CELF2: variants seen among roughly 807,000 people sequenced by gnomAD.
CELF2 encodes the protein CUGBP Elav-like family member 2, also known as CUG triplet repeat RNA-binding protein 2.
CELF2 carries 8 observed loss-of-function variants against 62.6 expected under a neutral mutation model. The observed-to-expected ratio is 0.13, with a 90% confidence interval of 0.07 to 0.23. The LOEUF (loss-of-function observed/expected upper bound fraction) is 0.23. Ranked by LOEUF, CELF2 falls within the 10% of genes least tolerant of loss-of-function variation. The probability of loss-of-function intolerance (pLI) is 1.00; values close to 1 mark genes in which losing one functional copy is unlikely to be tolerated. For synonymous variants in CELF2, 258 were observed against 250.0 expected, an observed-to-expected ratio of 1.03 and a Z score of -0.30; for missense variants, 333 against 671.0, an observed-to-expected ratio of 0.50 and a Z score of 5.56.
chr10:11,180,566 A>G (rs575264725), intron 2 of CELF2, among the ~76,000 whole-genome samples: 125 of 152,284 alleles, frequency 8.2e-4, no homozygotes, highest in African/African-American at 2.9e-3. Context: ...GGCTGACGCT[A>G]TCTCCCAGTG....
chr10:11,323,219 C>T (rs1485212950), intron 11 of CELF2, among the ~76,000 whole-genome samples: 1 of 151,956 alleles, frequency 6.6e-6, no homozygotes, highest in East Asian at 1.9e-4. Flanking sequence ...ATTGCCCACT[C>T]CTGATTTAAG....
At chr10:10,875,066 T>A (rs2060996185) in intron 1 of CELF2, among the ~76,000 whole-genome samples, 1 of 152,248 alleles carries the variant, frequency 6.6e-6, no homozygotes. Context: ...ACTGTCTAGC[T>A]TATATTATGC....
At position 10,856,969 on chromosome 10, in the gene CELF2, G is replaced by A. The variant is rs548035246; in HGVS notation, c.53+58152G>A. Reference sequence around the variant, plus strand: ...TTGGGACATTGGACAACAAGGAAGCGTAGAATTCTGATCTTTTAGAGAAAG... The same window carrying A: ...TTGGGACATTGGACAACAAGGAAGCATAGAATTCTGATCTTTTAGAGAAAG... On this transcript the variant is annotated intron_variant, in intron 1 of 13. Coordinates refer to the CELF2 transcript ENST00000636488. Among the ~76,000 whole-genome samples the A allele has an allele frequency of 5.9e-5, 9 of 152,220 alleles. No individual in the cohort carries two copies. The East Asian group carries it at 7.7e-4, about 13-fold the overall frequency.
chr10:10,607,589 C>A, the CELF2 span, among the ~76,000 whole-genome samples: 1 of 152,132 alleles, frequency 6.6e-6, no homozygotes, highest in Non-Finnish European at 1.5e-5. Context: ...TACTTTTTCT[C>A]TGTGAATTTT....
chr10:10,634,797 G>A, the CELF2 span, among the ~76,000 whole-genome samples: 1 of 152,062 alleles, frequency 6.6e-6, no homozygotes, highest in Admixed American at 6.5e-5. Context: ...GAGTAGCTGG[G>A]ACTACAGGCA....
the CELF2 span, among the ~76,000 whole-genome samples, chr10:10,474,934 G>A: frequency 3.9e-5 from 6 of 152,006 alleles, no homozygotes; most frequent in Admixed American, 3.3e-4. Context: ...TAGATCTGAA[G>A]GGTTCACTGG....
rs957594615 is a variant in CELF2, at chr10:11,157,857, C to G, written c.75-7629C>G. 3.3e-5 allele frequency among the ~76,000 whole-genome samples: 5 copies of G among 152,208 alleles called. No homozygotes were observed. The highest frequency in any genetic ancestry group is 7.2e-5 in the African/African-American group (3 of 41,444). ...GCATAAATAAGTCCAGGCAAAGTAT[C>G]TTCAGTGGTGAAAACAGAAGTTACC... On this transcript the variant is annotated intron_variant, in intron 1 of 12. Coordinates refer to ENST00000633077, the MANE Select transcript of CELF2 (RefSeq NM_001326342.2). This position sits in a 1 kb window ranked among gnomAD's most constrained non-coding sequence, Gnocchi z 4.9.
the CELF2 span, among the ~76,000 whole-genome samples, chr10:10,746,167 T>C: frequency 4.2e-3 from 643 of 152,344 alleles, 32 homozygotes; most frequent in East Asian, 0.1. Context: ...TTTCACTGCT[T>C]TCTGCTTTTA....
the CELF2 span, among the ~76,000 whole-genome samples, chr10:10,704,295 A>G: frequency 6.9e-6 from 1 of 145,590 alleles, no homozygotes; most frequent in Non-Finnish European, 1.5e-5. Flanking sequence ...TGTGTGATTT[A>G]CCTTCCTTGA....
the CELF2 span, among the ~76,000 whole-genome samples, chr10:10,609,417 A>C: frequency 7.5e-6 from 1 of 133,222 alleles, no homozygotes; most frequent in African/African-American, 3.1e-5. Flanking sequence ...ATGGTTAATA[A>C]ATGTTTCTTT....
At chr10:10,511,234 A>T in the CELF2 span, among the ~76,000 whole-genome samples, 1 of 152,060 alleles carries the variant, frequency 6.6e-6, no homozygotes, top group Non-Finnish European at 1.5e-5. Flanking sequence ...AAATGGCAAA[A>T]CTCCATCTCT....
the CELF2 span, among the ~76,000 whole-genome samples, chr10:10,785,296 G>A: frequency 6.6e-6 from 1 of 152,156 alleles, no homozygotes; most frequent in East Asian, 1.9e-4. Context: ...CATCTGGAGT[G>A]TGCCATGGAC....
chr10:10,907,133 A>AT (rs2063416773), intron 1 of CELF2, among the ~76,000 whole-genome samples: 1 of 152,170 alleles, frequency 6.6e-6, no homozygotes, highest in Non-Finnish European at 1.5e-5. Context: ...ACACACATGC[A>AT]TGCACACACA....
At chr10:10,757,035 G>A in the CELF2 span, among the ~76,000 whole-genome samples, 13 of 152,212 alleles carry the variant, frequency 8.5e-5, no homozygotes, top group East Asian at 9.7e-4. Flanking sequence ...CCAGCTACTC[G>A]GGAGGCTGAG....
At chr10:11,001,333 T>C (rs35398571), upstream of CELF2, among the ~76,000 whole-genome samples, 3,891 of 152,342 alleles carry the variant, frequency 0.026, 83 homozygotes, top group Non-Finnish European at 0.038. Context: ...TACTGTCCCA[T>C]GCTTATCAAA....
upstream of CELF2, among the ~76,000 whole-genome samples, chr10:11,016,323 T>A (rs2057249405): frequency 1.3e-5 from 2 of 152,212 alleles, no homozygotes; most frequent in Admixed American, 1.3e-4. The surrounding 1 kb of genome is among the most constrained non-coding windows in gnomAD (Gnocchi z 5.2). Context: ...AGCCCAGACC[T>A]GGTTCCTCCA....
intron 1 of CELF2, among the ~76,000 whole-genome samples, chr10:11,109,925 A>G (rs567070085): frequency 6.6e-6 from 1 of 152,094 alleles, no homozygotes; most frequent in Non-Finnish European, 1.5e-5. Context: ...GTCTGACAGG[A>G]GTGGACTCAT....
intron 1 of CELF2, among the ~76,000 whole-genome samples, chr10:10,799,750 G>T (rs1204894865): frequency 6.6e-6 from 1 of 152,146 alleles, no homozygotes; most frequent in African/African-American, 2.4e-5. Context: ...AGCTAGAAAG[G>T]GCAGAGTTCA....
At chr10:11,074,565 T>C (rs893686312) in intron 1 of CELF2, among the ~76,000 whole-genome samples, 6 of 152,224 alleles carry the variant, frequency 3.9e-5, no homozygotes, top group African/African-American at 1.2e-4. Flanking sequence ...ATATTCACTA[T>C]GGGATAAATT....
Sources: allele counts gnomAD v4.1 joint callset (sites outside exome capture counted in the v4.1 genomes callset), GRCh38; gene constraint gnomAD v4.1.1; non-coding constraint Gnocchi (gnomAD v3.1); transcripts MANE v1.5; gene names NCBI Gene and HGNC (gene_info 2026-07-23, HGNC 2026-07-21).